The following HYCC2 variants were observed in gnomAD, a reference collection of about 807,000 sequenced individuals.
HYCC2 encodes the protein hyccin PI4KA lipid kinase complex subunit 2, also known as hyccin 2.
chr2:200,997,112 G>A, the HYCC2 span: 1 of 172,784 alleles, frequency 5.8e-6, no homozygotes. Flanking sequence ...AAAATTAGCT[G>A]AGAGTCGTGG....
the HYCC2 span, among the ~76,000 whole-genome samples, chr2:201,004,754 G>C: frequency 6.6e-6 from 1 of 152,136 alleles, no homozygotes. Flanking sequence ...AGTGGCTCAC[G>C]CCTGTAATCC....
the HYCC2 span, among the ~76,000 whole-genome samples, chr2:201,008,480 C>T: frequency 1.3e-5 from 2 of 152,132 alleles, no homozygotes; most frequent in African/African-American, 4.8e-5. Flanking sequence ...TGATTGTTAG[C>T]TGAGTGCAGT....
the HYCC2 span, chr2:200,981,659 A>C: frequency 1.6e-5 from 26 of 1,613,958 alleles, no homozygotes; most frequent in Non-Finnish European, 2.1e-5. This position sits in a 1 kb window ranked among gnomAD's most constrained non-coding sequence, Gnocchi z 4.5. Context: ...CGAACTACTG[A>C]ATCTCGAGGG....
At chr2:200,991,365 C>T in the HYCC2 span, among the ~76,000 whole-genome samples, 2 of 151,962 alleles carry the variant, frequency 1.3e-5, no homozygotes, top group East Asian at 1.9e-4. Flanking sequence ...GTCAGGAGAT[C>T]GAGACCATCC....
At chr2:201,021,907 T>C in the HYCC2 span, 2 of 395,168 alleles carry the variant, frequency 5.1e-6, no homozygotes, top group South Asian at 1.9e-5. Flanking sequence ...AATCCTGCAA[T>C]TGCTGCTACA....
At chr2:201,016,602 AT>A in the HYCC2 span, among the ~76,000 whole-genome samples, 230 of 139,992 alleles carry the variant, frequency 1.6e-3, no homozygotes, top group Non-Finnish European at 1.6e-3. Flanking sequence ...ATTATTTTTA[AT>A]TTTTTTTTTT....
At chr2:201,012,990 C>G in the HYCC2 span, among the ~76,000 whole-genome samples, 4 of 151,582 alleles carry the variant, frequency 2.6e-5, no homozygotes, top group African/African-American at 9.7e-5. Context: ...CACACGCCTA[C>G]AGATGACGAC....
chr2:201,012,815 G>A, the HYCC2 span, among the ~76,000 whole-genome samples: 87 of 151,316 alleles, frequency 5.7e-4, no homozygotes, highest in African/African-American at 2.0e-3. Flanking sequence ...CATGGTGGCA[G>A]ACGCCTATAA....
At chr2:201,069,489 A>G in the HYCC2 span, among the ~76,000 whole-genome samples, 2 of 151,670 alleles carry the variant, frequency 1.3e-5, no homozygotes, top group Admixed American at 1.3e-4. Context: ...TGGCCATTCA[A>G]AATCAGCCAT....
the HYCC2 span, among the ~76,000 whole-genome samples, chr2:200,993,813 C>G: frequency 6.6e-6 from 1 of 151,064 alleles, no homozygotes; most frequent in South Asian, 2.1e-4. Context: ...AACCCCGTCT[C>G]TACTAAAAAT....
At chr2:201,042,701 G>T in the HYCC2 span, among the ~76,000 whole-genome samples, 5 of 151,206 alleles carry the variant, frequency 3.3e-5, no homozygotes. Context: ...CGGGAGCTGG[G>T]GGGCAGCCCC....
the HYCC2 span, among the ~76,000 whole-genome samples, chr2:201,027,487 C>A: frequency 6.6e-6 from 1 of 152,070 alleles, no homozygotes; most frequent in Non-Finnish European, 1.5e-5. Context: ...ATCCTGATAC[C>A]AAAGCCTGGC....
the HYCC2 span, among the ~76,000 whole-genome samples, chr2:201,036,924 G>C: frequency 7.2e-5 from 11 of 152,198 alleles, no homozygotes; most frequent in African/African-American, 1.9e-4. Flanking sequence ...AGAAATAAAG[G>C]GTATTCAACT....
chr2:200,997,985 G>A, the HYCC2 span, among the ~76,000 whole-genome samples: 3 of 152,154 alleles, frequency 2.0e-5, no homozygotes, highest in Admixed American at 1.3e-4. Context: ...GCAGTGAGCC[G>A]AGACTGTGCC....
At chr2:201,005,031 A>T in the HYCC2 span, among the ~76,000 whole-genome samples, 1 of 151,980 alleles carries the variant, frequency 6.6e-6, no homozygotes, top group Non-Finnish European at 1.5e-5. Flanking sequence ...AAAAAAAAAA[A>T]AAAAAGACCA....
chr2:201,040,000 C>A, the HYCC2 span, among the ~76,000 whole-genome samples: 6 of 152,054 alleles, frequency 3.9e-5, no homozygotes, highest in African/African-American at 7.2e-5. Flanking sequence ...CGGTGAAACC[C>A]CGTCTCTACT....
chr2:201,052,901 A>G, the HYCC2 span, among the ~76,000 whole-genome samples: 32 of 152,294 alleles, frequency 2.1e-4, no homozygotes, highest in African/African-American at 6.7e-4. Flanking sequence ...ACGAAAACTG[A>G]TCAGCACACT....
At chr2:201,028,621 G>C in the HYCC2 span, among the ~76,000 whole-genome samples, 4 of 151,950 alleles carry the variant, frequency 2.6e-5, no homozygotes, top group Admixed American at 1.3e-4. Context: ...CAGAGATATA[G>C]ACCAATGGAA....
At chr2:201,007,984 A>G in the HYCC2 span, among the ~76,000 whole-genome samples, 1 of 152,200 alleles carries the variant, frequency 6.6e-6, no homozygotes, top group African/African-American at 2.4e-5. Context: ...GAAACCCTTC[A>G]TATTCTACTA....
Sources: allele counts gnomAD v4.1 joint callset (sites outside exome capture counted in the v4.1 genomes callset), GRCh38; gene constraint gnomAD v4.1.1; non-coding constraint Gnocchi (gnomAD v3.1); transcripts MANE v1.5; gene names NCBI Gene and HGNC (gene_info 2026-07-23, HGNC 2026-07-21).